Variants in IKZF2 observed in about 807,000 individuals in gnomAD.
IKZF2 encodes IKAROS family zinc finger 2, also known as zinc finger protein Helios.
IKZF2 carries 15 observed loss-of-function variants against 49.2 expected under a neutral mutation model. That is an observed-to-expected ratio of 0.30 (90% CI 0.20 to 0.47). The LOEUF is 0.47. Ranked by LOEUF, IKZF2 falls within the 20% of genes least tolerant of loss-of-function variation. The pLI is 1.00. For synonymous variants in IKZF2, 227 were observed against 221.4 expected (o/e 1.03, Z -0.23); for missense variants, 567 against 664.6 (o/e 0.85, Z 1.61).
intron 6 of IKZF2, among the ~76,000 whole-genome samples, chr2:213,036,003 A>AT (rs904050953): frequency 2.7e-4 from 41 of 151,998 alleles, no homozygotes; most frequent in Non-Finnish European, 5.3e-4. Context: ...TCAAGGTATG[A>AT]TTTTTTTTGC....
intron 7 of IKZF2, chr2:213,014,962 C>T (rs1388645866): frequency 2.0e-5 from 3 of 151,862 alleles, no homozygotes; most frequent in Non-Finnish European, 4.4e-5. Flanking sequence ...TTCAGTATGC[C>T]CTGTAAAAAT....
intron 4 of IKZF2, among the ~76,000 whole-genome samples, chr2:213,062,291 A>G (rs1701766663): frequency 6.6e-6 from 1 of 151,646 alleles, no homozygotes; most frequent in African/African-American, 2.4e-5. Flanking sequence ...TATTAATATG[A>G]CCTGATTCTA....
At chr2:213,038,823 G>A (rs1699317072) in intron 6 of IKZF2, among the ~76,000 whole-genome samples, 2 of 152,248 alleles carry the variant, frequency 1.3e-5, no homozygotes, top group African/African-American at 2.4e-5. Flanking sequence ...TTAAAGAAAC[G>A]ATGTGATTGT....
chr2:213,137,162 A>T (rs375900967), intron 4 of IKZF2, among the ~76,000 whole-genome samples: 1 of 151,990 alleles, frequency 6.6e-6, no homozygotes, highest in African/African-American at 2.4e-5. Flanking sequence ...TAAAACTATC[A>T]TTAGGTCATT....
At chr2:213,020,124 G>A (rs894009100) in intron 7 of IKZF2, among the ~76,000 whole-genome samples, 2 of 152,092 alleles carry the variant, frequency 1.3e-5, no homozygotes, top group African/African-American at 4.8e-5. Context: ...AGAAAAACTA[G>A]TAGCAATGCC....
At chr2:213,055,494 T>C (rs578018445) in intron 5 of IKZF2, among the ~76,000 whole-genome samples, 1 of 152,214 alleles carries the variant, frequency 6.6e-6, no homozygotes, top group African/African-American at 2.4e-5. Context: ...GACTGTATGA[T>C]TGGAATAAGT....
At chr2:213,023,292 T>C (rs755167705) in intron 6 of IKZF2, among the ~76,000 whole-genome samples, 1 of 152,200 alleles carries the variant, frequency 6.6e-6, no homozygotes, top group Non-Finnish European at 1.5e-5. Flanking sequence ...AGGCAAGGTA[T>C]TCATGGCTGC....
At chr2:213,022,647 T>C (rs949183804) in intron 6 of IKZF2, among the ~76,000 whole-genome samples, 1 of 152,198 alleles carries the variant, frequency 6.6e-6, no homozygotes, top group African/African-American at 2.4e-5. Context: ...TGAGAAAAAG[T>C]ACAGATGAAA....
intron 4 of IKZF2, among the ~76,000 whole-genome samples, chr2:213,108,941 A>G (rs2059616766): frequency 6.6e-6 from 1 of 152,088 alleles, no homozygotes; most frequent in Non-Finnish European, 1.5e-5. Context: ...CTATTTATAT[A>G]TGGCACGCTT....
chr2:213,136,011 G>A (rs1478524241), intron 4 of IKZF2, among the ~76,000 whole-genome samples: 8 of 145,060 alleles, frequency 5.5e-5, no homozygotes, highest in Non-Finnish European at 1.2e-4. Flanking sequence ...ATCGCGCCAC[G>A]GCACTCCAGC....
chr2:213,114,801 G>A (rs766713286), intron 4 of IKZF2, among the ~76,000 whole-genome samples: 19 of 151,920 alleles, frequency 1.3e-4, no homozygotes, highest in East Asian at 1.9e-4. Flanking sequence ...GCATGGTAGC[G>A]CGCGCCTGTA....
intron 4 of IKZF2, among the ~76,000 whole-genome samples, chr2:213,139,628 GT>G (rs1383597672): frequency 6.6e-6 from 1 of 151,914 alleles, no homozygotes; most frequent in Non-Finnish European, 1.5e-5. Flanking sequence ...TTAAATATCA[GT>G]TTTGTAAACC....
chr2:213,012,106 G>A (rs1696030723), intron 8 of IKZF2, among the ~76,000 whole-genome samples: 1 of 151,866 alleles, frequency 6.6e-6, no homozygotes. Flanking sequence ...TAATAAGTGT[G>A]GAATGATGAA....
At position 213,004,758 on chromosome 2, in the gene IKZF2, C is replaced by T. The variant is rs1457343534; in HGVS notation, c.*2602G>A. 2 of 152,078 alleles carry T rather than the reference C, an allele frequency of 1.3e-5. No homozygotes were observed. The highest frequency in any genetic ancestry group is 4.8e-5 in the African/African-American group (2 of 41,370). The allele number at this position is 152,078 out of a possible 1,614,324, so 9.4% of individuals were successfully genotyped here. ...TGAATTGACTTTGTCCTCAATTGTC[C>T]CTGCCACACCCTGAGCCATATCCAC... is the stretch of plus-strand genomic sequence containing the variant. On this transcript the variant is annotated 3_prime_UTR_variant, in exon 9 of 9. Transcript: ENST00000434687.
chr2:213,126,332 C>G (rs896647789), intron 4 of IKZF2, among the ~76,000 whole-genome samples: 1 of 152,142 alleles, frequency 6.6e-6, no homozygotes, highest in Non-Finnish European at 1.5e-5. Flanking sequence ...GCCTTTCTTT[C>G]TCTAAAATCT....
chr2:213,147,808 G>C lies in IKZF2; in HGVS notation c.39C>G (p.Asp13Glu), dbSNP rs750756552. 6.2e-7 allele frequency: 1 copy of C among 1,607,424 alleles called. No individual in the cohort carries two copies. Among genetic ancestry groups the C allele is most frequent in the Non-Finnish European group, 8.5e-7 (1 of 1,173,870 alleles). Residue 13 changes from aspartate to glutamate, a missense_variant, in exon 4 of 9, where the codon GAC (aspartate) becomes GAG (glutamate). Physicochemically the swap from Asp to Glu is conservative, Grantham distance 45 (BLOSUM62 2). Coordinates refer to ENST00000434687, the MANE Select transcript of IKZF2 (RefSeq NM_001387220.1). ...GCTCCCTTTCGGGTGAAAGCTCATTGTCACCTGCTTTCACAAAATATAATC... is the reference window on the plus strand; with the variant it reads ...GCTCCCTTTCGGGTGAAAGCTCATTCTCACCTGCTTTCACAAAATATAATC... ...TEAIDGYITC[D>E]NELSPEREHS...
chr2:213,035,754 T>A, intron 6 of IKZF2, among the ~76,000 whole-genome samples: 1 of 152,154 alleles, frequency 6.6e-6, no homozygotes, highest in East Asian at 1.9e-4. Context: ...CCAATGGCCA[T>A]GATTAGTAGT....
chr2:213,076,070 AC>A (rs1703228464), intron 4 of IKZF2, among the ~76,000 whole-genome samples: 2 of 152,190 alleles, frequency 1.3e-5, no homozygotes, highest in African/African-American at 2.4e-5. Context: ...TTGTAAAAAA[AC>A]AAATAATGTT....
chr2:213,036,673 A>T (rs1699061922), intron 6 of IKZF2, among the ~76,000 whole-genome samples: 1 of 152,128 alleles, frequency 6.6e-6, no homozygotes, highest in Admixed American at 6.5e-5. Flanking sequence ...ACAATTTAAA[A>T]GGACTCCACT....
Sources: gnomAD v4.1 joint callset for allele counts (sites outside exome capture counted in the v4.1 genomes callset) on GRCh38, gnomAD v4.1.1 for gene constraint, MANE v1.5 for transcripts, NCBI Gene and HGNC (gene_info 2026-07-23, HGNC 2026-07-21) for gene names.